The following SHLD2 variants were observed in gnomAD, a reference collection of about 807,000 sequenced individuals.
The protein encoded by SHLD2 is shieldin complex subunit 2.
SHLD2 carries 30 observed loss-of-function variants against 73.2 expected under a neutral mutation model. The observed-to-expected ratio is 0.41, with a 90% CI of 0.31 to 0.56. SHLD2 has a LOEUF of 0.56. Among genes scored for constraint, SHLD2 ranks in the 20% least tolerant of loss-of-function variants. The pLI, the probability that SHLD2 is intolerant of heterozygous loss-of-function variation, is 0.28. For missense variants in SHLD2, 745 were observed against 1,055.9 expected (o/e 0.71, Z 4.08); for synonymous variants, 285 against 370.1 (o/e 0.77, Z 2.64).
intron 1 of SHLD2, among the ~76,000 whole-genome samples, chr10:87,095,517 GA>G (rs1242251756): frequency 7.9e-5 from 12 of 152,312 alleles, no homozygotes; most frequent in Non-Finnish European, 1.6e-4. Context: ...ACGTGGGCAG[GA>G]AAGCGAGGCA....
chr10:87,167,111 G>C (rs1742770154), intron 4 of SHLD2, among the ~76,000 whole-genome samples: 1 of 151,986 alleles, frequency 6.6e-6, no homozygotes. Context: ...CAAGAGATTT[G>C]GGAAATGTAG....
Position 87,158,028 on chromosome 10 carries a change from A to C in SHLD2, c.1526-20A>C. 1 of 1,606,310 alleles carries C rather than the reference A, an allele frequency of 6.2e-7. No homozygotes were observed. Among genetic ancestry groups the C allele is most frequent in the Admixed American group, 1.7e-5 (1 of 59,694 alleles). ...GTGAAGGAATTTATGGCATGATCAG[A>C]ACGTTTTTTCTCTCTCTAGATGTTG... On this transcript the variant is annotated intron_variant, in intron 3 of 9. Transcript: ENST00000298786.
intron 2 of SHLD2, among the ~76,000 whole-genome samples, chr10:87,106,194 G>A (rs760473500): frequency 4.6e-5 from 7 of 152,026 alleles, no homozygotes; most frequent in Admixed American, 1.3e-4. Flanking sequence ...TAGTAGAGAC[G>A]GGGTTTCACC....
chr10:87,153,747 T>C (rs3129508), intron 3 of SHLD2, among the ~76,000 whole-genome samples: 1 of 152,210 alleles, frequency 6.6e-6, no homozygotes, highest in Admixed American at 6.5e-5. Flanking sequence ...TTTTTATCCC[T>C]ACTTTTCAGT....
intron 2 of SHLD2, among the ~76,000 whole-genome samples, chr10:87,108,488 A>G (rs1047943577): frequency 2.0e-5 from 3 of 152,120 alleles, no homozygotes; most frequent in Non-Finnish European, 4.4e-5. Context: ...TGCCCAGCCT[A>G]GAGATGAGGT....
At position 87,190,694 on chromosome 10, in the gene SHLD2, A is replaced by G. The variant is rs371960289; in HGVS notation, c.*11A>G. The G allele has an allele frequency of 1.2e-4, 193 of 1,607,752 alleles. No individual in the cohort carries two copies. Among genetic ancestry groups the G allele is most frequent in the Non-Finnish European group, 1.6e-4 (189 of 1,176,168 alleles). On this transcript the variant is annotated 3_prime_UTR_variant, in exon 10 of 10. Transcript: ENST00000298786. ...AATGCCCGTCTCTGAGGCCAGAGGA[A>G]GAAATTGCAGGCATTTCAAGGAAGA...
chr10:87,190,215 C>T (rs1344566144), intron 9 of SHLD2, among the ~76,000 whole-genome samples: 6 of 152,180 alleles, frequency 3.9e-5, no homozygotes, highest in Non-Finnish European at 7.4e-5. Flanking sequence ...TGTGCCACCA[C>T]TCCCGGCTAA....
At chr10:87,111,980 G>A (rs1161774056) in intron 2 of SHLD2, among the ~76,000 whole-genome samples, 2 of 151,412 alleles carry the variant, frequency 1.3e-5, no homozygotes, top group Admixed American at 6.6e-5. Context: ...GCTCACGCCT[G>A]TAATCCCAGC....
At chr10:87,183,318 A>G (rs1324686796) in intron 8 of SHLD2, among the ~76,000 whole-genome samples, 1 of 152,206 alleles carries the variant, frequency 6.6e-6, no homozygotes, top group Non-Finnish European at 1.5e-5. Flanking sequence ...AGAGGTAACA[A>G]GTTGGAAAGT....
rs1026313828 is a variant in SHLD2, at chr10:87,120,258, A to ATTTTT, written c.-6+23272_-6+23276dup. On this transcript the variant is annotated intron_variant, in intron 2 of 9. Coordinates refer to ENST00000298786, the MANE Select transcript of SHLD2 (RefSeq NM_001330112.2). ...TATTTATTTATTTATTTATTTATTT[A>ATTTTT]TTTTTTTGAGACAGAGTCTTGCTCT... Among the ~76,000 whole-genome samples the ATTTTT allele has an allele frequency of 3.3e-3, 495 of 148,780 alleles. 3 individuals are homozygous for ATTTTT. The highest frequency in any genetic ancestry group is 0.012 in the African/African-American group (465 of 39,670).
chr10:87,150,611 A>G (rs1845943777), intron 2 of SHLD2, among the ~76,000 whole-genome samples: 1 of 151,236 alleles, frequency 6.6e-6, no homozygotes, highest in Non-Finnish European at 1.5e-5. Flanking sequence ...AAGTACAAAA[A>G]TTAGCCGGGC....
intron 7 of SHLD2, among the ~76,000 whole-genome samples, chr10:87,176,815 C>T (rs542429539): frequency 6.6e-6 from 1 of 152,304 alleles, no homozygotes; most frequent in Non-Finnish European, 1.5e-5. Flanking sequence ...TCTCAAAAAA[C>T]CCAACTTTTA....
chr10:87,138,812 A>G (rs577536572), intron 2 of SHLD2, among the ~76,000 whole-genome samples: 45 of 152,314 alleles, frequency 3.0e-4, no homozygotes, highest in African/African-American at 1.1e-3. Context: ...GTTTTCAGAC[A>G]TTGGACAACA....
chr10:87,119,803 A>G (rs569672649), intron 2 of SHLD2, among the ~76,000 whole-genome samples: 1 of 151,770 alleles, frequency 6.6e-6, no homozygotes, highest in Admixed American at 6.6e-5. Flanking sequence ...AATCATGTAT[A>G]TAGGACAGAA....
chr10:87,143,709 A>G (rs1369724797), intron 2 of SHLD2, among the ~76,000 whole-genome samples: 1 of 152,088 alleles, frequency 6.6e-6, no homozygotes, highest in Non-Finnish European at 1.5e-5. Flanking sequence ...ATGTGTTTAT[A>G]TGGTTCTTAA....
chr10:87,144,983 C>T (rs1435550711), intron 2 of SHLD2, among the ~76,000 whole-genome samples: 1 of 140,280 alleles, frequency 7.1e-6, no homozygotes, highest in Non-Finnish European at 1.5e-5. Flanking sequence ...CTCTGTTGCC[C>T]AGGCTGGAGT....
chr10:87,136,580 A>G (rs901043570), intron 2 of SHLD2, among the ~76,000 whole-genome samples: 12 of 152,124 alleles, frequency 7.9e-5, no homozygotes, highest in Non-Finnish European at 1.8e-4. Flanking sequence ...TTCTATATGT[A>G]TCCATCTGTA....
At chr10:87,141,851 CG>C (rs1357785480) in intron 2 of SHLD2, among the ~76,000 whole-genome samples, 4 of 151,846 alleles carry the variant, frequency 2.6e-5, no homozygotes, top group African/African-American at 9.7e-5. Context: ...GCCAACATGG[CG>C]AAACCCCGTC....
At chr10:87,131,068 A>G (rs1844393694) in intron 2 of SHLD2, among the ~76,000 whole-genome samples, 1 of 148,552 alleles carries the variant, frequency 6.7e-6, no homozygotes, top group Non-Finnish European at 1.5e-5. Context: ...CCCCATCTCA[A>G]AAACAAAAAC....
Sources: gnomAD v4.1 joint callset for allele counts (sites outside exome capture counted in the v4.1 genomes callset) on GRCh38, gnomAD v4.1.1 for gene constraint, MANE v1.5 for transcripts, NCBI Gene and HGNC (gene_info 2026-07-23, HGNC 2026-07-21) for gene names.